The following FGF2 variants were observed in gnomAD, a reference collection of about 807,000 sequenced individuals.
FGF2 encodes fibroblast growth factor 2.
Under a neutral mutation model 15.9 loss-of-function variants are expected in FGF2, and 13 were observed. That is an observed-to-expected ratio of 0.82 (90% CI 0.53 to 1.30). The LOEUF is 1.30. Ranked by LOEUF, FGF2 falls within the 50% of genes most tolerant of loss-of-function variation. The pLI, the probability that FGF2 is intolerant of heterozygous loss-of-function variation, is 0.00. For missense variants in FGF2, 163 were observed against 196.9 expected (o/e 0.83, Z 1.03); for synonymous variants, 90 against 78.4 (o/e 1.15, Z -0.78).
At chr4:122,843,442 A>G (rs933649320) in intron 1 of FGF2, among the ~76,000 whole-genome samples, 1 of 152,204 alleles carries the variant, frequency 6.6e-6, no homozygotes, top group Non-Finnish European at 1.5e-5. Context: ...TGGGGAGTCA[A>G]TGGAGGGTTT....
intron 1 of FGF2, among the ~76,000 whole-genome samples, chr4:122,872,143 T>C (rs1364561829): frequency 6.6e-6 from 1 of 151,538 alleles, no homozygotes; most frequent in African/African-American, 2.4e-5. Context: ...GTTAGAGGAA[T>C]TGCTAACTAG....
At chr4:122,876,569 A>G (rs1726850352) in intron 2 of FGF2, 145 bp downstream of exon 2, 3 of 695,568 alleles carry the variant, frequency 4.3e-6, no homozygotes, top group Admixed American at 4.2e-5. Context: ...TATTTTCTTT[A>G]TTTCACAGAT....
At chr4:122,851,816 C>G (rs1358587343) in intron 1 of FGF2, among the ~76,000 whole-genome samples, 2 of 152,168 alleles carry the variant, frequency 1.3e-5, no homozygotes, top group Non-Finnish European at 2.9e-5. Flanking sequence ...CACATATGTG[C>G]AGGTAACAGG....
intron 1 of FGF2, among the ~76,000 whole-genome samples, chr4:122,845,828 T>A (rs1267853143): frequency 6.6e-6 from 1 of 152,230 alleles, no homozygotes; most frequent in Admixed American, 6.5e-5. Context: ...GGCTGTTTTG[T>A]TTTCTTATCA....
In FGF2 at chr4:122,833,868, G is replaced by A. The variant is rs570707832; in HGVS notation, c.178+6516G>A. On this transcript the variant is annotated intron_variant, in intron 1 of 2. Transcript: ENST00000644866. ...AAACATTTCGGAATTTTGGAGACTG[G>A]CTATTAGTTTTTCTTAGAATAATCT... Among the ~76,000 whole-genome samples the A allele has an allele frequency of 4.6e-5, 7 of 152,244 alleles. No homozygotes were observed. In the South Asian group the frequency reaches 1.2e-3, roughly 27 times the overall value.
Position 122,827,163 on chromosome 4 carries a change from C to T in FGF2, c.-12C>T. 1 of 1,503,044 alleles carries T rather than the reference C, an allele frequency of 6.7e-7. No homozygotes were observed. The highest frequency in any genetic ancestry group is 8.9e-7 in the Non-Finnish European group (1 of 1,127,528). 93.1% of individuals were successfully genotyped at this position (1,503,044 alleles called of 1,614,324 possible). On this transcript the variant is annotated 5_prime_UTR_variant, in exon 1 of 3. Transcript: ENST00000644866. The surrounding 1 kb of genome is among the most constrained non-coding windows in gnomAD (Gnocchi z 4.2). The stretch of plus-strand genomic sequence containing the variant: ...AGCGGCTCGGGGATCCCGGCCGGGC[C>T]CCGCAGGGACCATGGCAGCCGGGAG...
chr4:122,890,409 A>G (rs1178426145), intron 2 of FGF2, among the ~76,000 whole-genome samples: 1 of 152,222 alleles, frequency 6.6e-6, no homozygotes, highest in Non-Finnish European at 1.5e-5. Flanking sequence ...AACGTATTAC[A>G]TAATAGGCAA....
chr4:122,870,762 C>CA (rs970617091), intron 1 of FGF2, among the ~76,000 whole-genome samples: 3 of 151,764 alleles, frequency 2.0e-5, no homozygotes, highest in South Asian at 2.1e-4. Context: ...TTAATCTTTT[C>CA]AAAAAAACAG....
In FGF2 at chr4:122,875,944, C is replaced by T. The variant is rs144985400; in HGVS notation, c.179-377C>T. Among the ~76,000 whole-genome samples, 135 of 152,208 alleles carry T rather than the reference C, an allele frequency of 8.9e-4. 1 individual carries two copies. Among genetic ancestry groups the T allele is most frequent in the African/African-American group, 3.2e-3 (131 of 41,542 alleles). ...GGAATTCTCCTACACTTTTATGTAC[C>T]CTTAAAATATGTTCACTTTAAAAAA... On this transcript the variant is annotated intron_variant, in intron 1 of 2. Transcript: ENST00000644866.
At chr4:122,830,352 C>G (rs1264018353) in intron 1 of FGF2, among the ~76,000 whole-genome samples, 1 of 151,952 alleles carries the variant, frequency 6.6e-6, no homozygotes, top group Non-Finnish European at 1.5e-5. Context: ...GGAAAATTTT[C>G]TAAAAGAAGA....
At chr4:122,862,363 C>T (rs1726489350) in intron 1 of FGF2, among the ~76,000 whole-genome samples, 1 of 152,144 alleles carries the variant, frequency 6.6e-6, no homozygotes, top group Non-Finnish European at 1.5e-5. Context: ...GATTCATCAT[C>T]CTGGGGCATA....
At chr4:122,831,925 C>T (rs1725772928) in intron 1 of FGF2, among the ~76,000 whole-genome samples, 1 of 152,150 alleles carries the variant, frequency 6.6e-6, no homozygotes, top group Non-Finnish European at 1.5e-5. Flanking sequence ...AAAACAAGAA[C>T]GGTTCTTTAA....
intron 2 of FGF2, among the ~76,000 whole-genome samples, chr4:122,886,562 A>G (rs113900866): frequency 0.011 from 1,696 of 152,216 alleles, 46 homozygotes; most frequent in African/African-American, 0.038. Context: ...TTATTTATTT[A>G]TTCAATCATT....
intron 1 of FGF2, among the ~76,000 whole-genome samples, chr4:122,869,745 A>G (rs1268332794): frequency 6.6e-6 from 1 of 152,130 alleles, no homozygotes; most frequent in Non-Finnish European, 1.5e-5. Context: ...GGCAGAGATG[A>G]TGGGGTTTTC....
intron 1 of FGF2, among the ~76,000 whole-genome samples, chr4:122,865,799 AG>A (rs1229258063): frequency 6.6e-6 from 1 of 152,214 alleles, no homozygotes; most frequent in Non-Finnish European, 1.5e-5. Context: ...TGTTGGGTGT[AG>A]TGATCTTTAA....
intron 1 of FGF2, among the ~76,000 whole-genome samples, chr4:122,857,947 T>TA (rs1332137939): frequency 6.6e-6 from 1 of 152,240 alleles, no homozygotes; most frequent in African/African-American, 2.4e-5. Context: ...TAAGAGTTGA[T>TA]ACACAGAAAG....
chr4:122,841,967 A>G (rs1259856031), intron 1 of FGF2, among the ~76,000 whole-genome samples: 1 of 152,196 alleles, frequency 6.6e-6, no homozygotes, highest in Non-Finnish European at 1.5e-5. Context: ...ATTTTTGGCT[A>G]TGCTTAATGA....
At chr4:122,831,289 C>G (rs988278247) in intron 1 of FGF2, among the ~76,000 whole-genome samples, 2 of 152,260 alleles carry the variant, frequency 1.3e-5, no homozygotes, top group African/African-American at 2.4e-5. Context: ...CTGCTGGACC[C>G]CACTTTGGTT....
At chr4:122,875,454 T>C (rs1726820904) in intron 1 of FGF2, among the ~76,000 whole-genome samples, 1 of 115,274 alleles carries the variant, frequency 8.7e-6, no homozygotes, top group African/African-American at 2.7e-5. Flanking sequence ...AAATCCCATA[T>C]AGAAAGCTAA....
Sources: allele counts gnomAD v4.1 joint callset (sites outside exome capture counted in the v4.1 genomes callset), GRCh38; gene constraint gnomAD v4.1.1; non-coding constraint Gnocchi (gnomAD v3.1); transcripts MANE v1.5; gene names NCBI Gene and HGNC (gene_info 2026-07-23, HGNC 2026-07-21).